GPBP1L1: variants seen among roughly 807,000 people sequenced by gnomAD.
GPBP1L1 encodes vasculin-like protein 1.
A neutral mutation model predicts 52.5 loss-of-function variants in GPBP1L1; 23 were observed. The observed-to-expected ratio is 0.44, with a 90% CI of 0.32 to 0.62. GPBP1L1 has a LOEUF of 0.62. GPBP1L1 is among the 20% of genes least tolerant of loss of function. The probability of loss-of-function intolerance (pLI) is 0.06; values close to 1 mark genes in which losing one functional copy is unlikely to be tolerated. For synonymous variants in GPBP1L1, 243 were observed against 203.1 expected (o/e 1.20, Z -1.67); for missense variants, 596 against 579.3 (o/e 1.03, Z -0.30).
At chr1:45,677,330 A>T (rs1284746551) in intron 2 of GPBP1L1, among the ~76,000 whole-genome samples, 4 of 145,878 alleles carry the variant, frequency 2.7e-5, no homozygotes, top group African/African-American at 1.0e-4. Flanking sequence ...ACAGAGGAAG[A>T]TTCGTCTCAG....
intron 10 of GPBP1L1, 193 bp from the exon 11 acceptor site, chr1:45,630,799 G>A: frequency 5.2e-6 from 3 of 579,116 alleles, no homozygotes; most frequent in South Asian, 2.1e-5. Flanking sequence ...TTAATGAAAA[G>A]GCAAAAGATC....
chr1:45,660,625 A>C lies in GPBP1L1; in HGVS notation c.-497T>G. On this transcript the variant is annotated 5_prime_UTR_variant, in exon 3 of 13. In the 5' UTR this introduces an upstream ATG that the reference lacks. Coordinates refer to ENST00000355105, the MANE Select transcript of GPBP1L1 (RefSeq NM_021639.5). Reference sequence around the variant, plus strand: ...AGACAGATGGGCTCAAGTGTGGACAAATAATGTCATCAAGGTAATAGATCA... The same window carrying C: ...AGACAGATGGGCTCAAGTGTGGACACATAATGTCATCAAGGTAATAGATCA... 2 of 886,614 alleles carry C rather than the reference A, an allele frequency of 2.3e-6. No individual in the cohort carries two copies. The highest frequency in any genetic ancestry group is 2.7e-6 in the Non-Finnish European group (2 of 739,670). The allele number at this position is 886,614 out of a possible 1,614,324, so 54.9% of individuals were successfully genotyped here. A position where few individuals can be genotyped will look rare whatever the true frequency, so the allele number is the denominator to read the frequency against.
chr1:45,686,014 A>G (rs905904067), intron 1 of GPBP1L1, among the ~76,000 whole-genome samples: 1 of 152,238 alleles, frequency 6.6e-6, no homozygotes, highest in African/African-American at 2.4e-5. Context: ...CCTTTGAAGG[A>G]AAACAAAAGC....
chr1:45,687,267 T>A (rs186240253), upstream of GPBP1L1: 18 of 152,402 alleles, frequency 1.2e-4, no homozygotes, highest in African/African-American at 4.1e-4. Flanking sequence ...CTACCTGAAG[T>A]CTCATTGGGT....
chr1:45,634,006 A>G (rs542385207), intron 9 of GPBP1L1, 90 bp downstream of exon 9: 1 of 1,296,110 alleles, frequency 7.7e-7, no homozygotes, highest in South Asian at 1.6e-5. Context: ...CTACAAAACA[A>G]GTGTCACAGC....
chr1:45,642,901 G>A (rs374180314), intron 6 of GPBP1L1, among the ~76,000 whole-genome samples: 11 of 152,300 alleles, frequency 7.2e-5, no homozygotes, highest in South Asian at 6.2e-4. Flanking sequence ...AGTATTCACT[G>A]CATTTCTAAG....
Position 45,628,614 on chromosome 1 carries a change from G to T in GPBP1L1, c.1273-206C>A, listed in dbSNP as rs150160853. ...CATCTACGCATCTTTCAAAAATGCA[G>T]ATTCAGATTCAGAATGTCTGGGATG... On this transcript the variant is annotated intron_variant, in intron 12 of 12. Coordinates refer to ENST00000355105, the MANE Select transcript of GPBP1L1 (RefSeq NM_021639.5). 6.3e-3 allele frequency among the ~76,000 whole-genome samples: 954 copies of T among 152,220 alleles called. 10 individuals carry two copies. The highest frequency in any genetic ancestry group is 0.021 in the African/African-American group (889 of 41,534).
chr1:45,638,962 C>A (rs1644632193), intron 8 of GPBP1L1, among the ~76,000 whole-genome samples: 1 of 152,072 alleles, frequency 6.6e-6, no homozygotes, highest in African/African-American at 2.4e-5. Context: ...ATAGGACTAG[C>A]ACACTATGAC....
Position 45,628,109 on chromosome 1 carries a change from C to T in GPBP1L1, c.*147G>A. The T allele has an allele frequency of 1.2e-6, 1 of 803,272 alleles. No homozygotes were observed. Among genetic ancestry groups the T allele is most frequent in the Non-Finnish European group, 2.0e-6 (1 of 503,242 alleles). 49.8% of individuals were successfully genotyped at this position (803,272 alleles called of 1,614,324 possible). On this transcript the variant is annotated 3_prime_UTR_variant, in exon 13 of 13. Coordinates refer to ENST00000355105, the MANE Select transcript of GPBP1L1 (RefSeq NM_021639.5). ...AGAACAATAACAAAAGCAAAACAAG[C>T]CAATTGCTCTCTCTTTGGGATATGA...
At chr1:45,682,015 G>T (rs1645217840) in intron 2 of GPBP1L1, among the ~76,000 whole-genome samples, 1 of 152,156 alleles carries the variant, frequency 6.6e-6, no homozygotes, top group Admixed American at 6.5e-5. Context: ...TCTTTAAATA[G>T]TAAGGAATAA....
At chr1:45,687,488 TCTC>T (rs1645305331), upstream of GPBP1L1, 1 of 152,200 alleles carries the variant, frequency 6.6e-6, no homozygotes, top group African/African-American at 2.4e-5. Flanking sequence ...GCCCCTGAGA[TCTC>T]CTACTACATG....
At chr1:45,638,586 T>C (rs1402292665) in intron 8 of GPBP1L1, among the ~76,000 whole-genome samples, 1 of 152,176 alleles carries the variant, frequency 6.6e-6, no homozygotes, top group African/African-American at 2.4e-5. Context: ...CCTCTTCTCT[T>C]GTATATCTAA....
chr1:45,652,645 A>C (rs1283680890), intron 6 of GPBP1L1, among the ~76,000 whole-genome samples: 1 of 152,170 alleles, frequency 6.6e-6, no homozygotes, highest in Non-Finnish European at 1.5e-5. Flanking sequence ...TAAAATCATT[A>C]TGGGTTTATT....
At chr1:45,643,350 T>A (rs927812526) in intron 6 of GPBP1L1, among the ~76,000 whole-genome samples, 1 of 152,050 alleles carries the variant, frequency 6.6e-6, no homozygotes, top group Non-Finnish European at 1.5e-5. Flanking sequence ...TTAGGGGAGA[T>A]TAAGTTTTAT....
chr1:45,671,191 C>G (rs1645070262), intron 2 of GPBP1L1, among the ~76,000 whole-genome samples: 1 of 147,122 alleles, frequency 6.8e-6, no homozygotes, highest in African/African-American at 2.5e-5. Flanking sequence ...AATGCCTTAG[C>G]TATTCTTGGC....
chr1:45,641,397 C>G (rs1569781741), intron 7 of GPBP1L1, among the ~76,000 whole-genome samples: 1 of 151,628 alleles, frequency 6.6e-6, no homozygotes, highest in East Asian at 1.9e-4. Flanking sequence ...GAGATTCTGT[C>G]TCAAAAAACA....
intron 10 of GPBP1L1, among the ~76,000 whole-genome samples, chr1:45,632,186 C>G (rs1644539416): frequency 6.6e-6 from 1 of 152,240 alleles, no homozygotes; most frequent in Non-Finnish European, 1.5e-5. Context: ...AGCAGGTTGG[C>G]CTTCCTCTGC....
At position 45,655,247 on chromosome 1, in the gene GPBP1L1, G is replaced by A. The variant is rs1370250809; in HGVS notation, c.133C>T (p.Arg45Cys). 3.1e-6 allele frequency: 5 copies of A among 1,613,968 alleles called. No homozygotes were observed. The highest frequency in any genetic ancestry group is 4.2e-6 in the Non-Finnish European group (5 of 1,180,000). ...AAACCATCAGAGGAATTATGTCGACGGCGGCTTACTCCAAATCTACCTTCT... is the reference window on the plus strand; with the variant it reads ...AAACCATCAGAGGAATTATGTCGACAGCGGCTTACTCCAAATCTACCTTCT... ...RGEGRFGVSRRRHNSSDGFFN... is the reference protein window; with the variant it reads ...RGEGRFGVSRCRHNSSDGFFN... The change falls in exon 5 of 13, where the codon CGT becomes TGT. Residue 45 changes from arginine (R) to cysteine (C), a missense_variant. Physicochemically the swap from Arg to Cys is radical, Grantham distance 180 (BLOSUM62 -3). Transcript: ENST00000355105.
intron 10 of GPBP1L1, among the ~76,000 whole-genome samples, chr1:45,631,938 C>T (rs977724380): frequency 2.6e-5 from 4 of 151,632 alleles, no homozygotes; most frequent in South Asian, 2.1e-4. Flanking sequence ...CAAATATGGC[C>T]GGCTGGGCAT....
Sources: allele counts gnomAD v4.1 joint callset (sites outside exome capture counted in the v4.1 genomes callset), GRCh38; gene constraint gnomAD v4.1.1; transcripts MANE v1.5; gene names NCBI Gene and HGNC (gene_info 2026-07-23, HGNC 2026-07-21).